KCNN3: variants seen among roughly 807,000 people sequenced by gnomAD.
The protein encoded by KCNN3 is potassium calcium-activated channel subfamily N member 3, also known as small conductance calcium-activated potassium channel protein 3.
In KCNN3, 16 loss-of-function variants were observed where a neutral mutation model predicts 62.9. The observed-to-expected ratio is 0.25, with a 90% CI of 0.17 to 0.39. The LOEUF (loss-of-function observed/expected upper bound fraction) is 0.39, where lower values mean the gene tolerates loss of function less well. Ranked by LOEUF, KCNN3 falls within the 10% of genes least tolerant of loss-of-function variation. KCNN3 has a pLI of 1.00. For synonymous variants in KCNN3, 370 were observed against 389.2 expected, an observed-to-expected ratio of 0.95 and a Z score of 0.58; for missense variants, 599 against 949.4, an observed-to-expected ratio of 0.63 and a Z score of 4.85.
At chr1:154,790,644 A>G (rs6665508) in intron 2 of KCNN3, among the ~76,000 whole-genome samples, 4,925 of 152,292 alleles carry the variant, frequency 0.032, 240 homozygotes, top group African/African-American at 0.11. Context: ...CCACTAGCCC[A>G]GGAAAAGATC....
chr1:154,845,393 A>G (rs1652012560), intron 1 of KCNN3, among the ~76,000 whole-genome samples: 1 of 152,226 alleles, frequency 6.6e-6, no homozygotes, highest in African/African-American at 2.4e-5. Context: ...AGCCCCAGAC[A>G]GCCACCATCA....
At chr1:154,729,385 G>A (rs1167373066) in intron 4 of KCNN3, among the ~76,000 whole-genome samples, 3 of 152,244 alleles carry the variant, frequency 2.0e-5, no homozygotes, top group East Asian at 1.9e-4. Context: ...CCCAAGGCAC[G>A]TGGGCGAGAG....
At chr1:154,744,925 C>CAAAAAA (rs5777930) in intron 3 of KCNN3, among the ~76,000 whole-genome samples, 2 of 132,464 alleles carry the variant, frequency 1.5e-5, no homozygotes, top group Non-Finnish European at 1.7e-5. Context: ...CACATTAAGG[C>CAAAAAA]AAAAAAAAAA....
intron 1 of KCNN3, among the ~76,000 whole-genome samples, chr1:154,826,479 C>A (rs149011007): frequency 6.6e-5 from 10 of 151,632 alleles, no homozygotes; most frequent in African/African-American, 2.4e-4. Context: ...TACCTAACTT[C>A]TCACCATGGC....
At chr1:154,844,311 A>G (rs1439090384) in intron 1 of KCNN3, among the ~76,000 whole-genome samples, 1 of 152,246 alleles carries the variant, frequency 6.6e-6, no homozygotes, top group Non-Finnish European at 1.5e-5. Flanking sequence ...GGTTCTAGAG[A>G]GAGATTTTCT....
Position 154,700,576 on chromosome 1 carries a change from G to C in KCNN3, c.*7400C>G, listed in dbSNP as rs1176136024. ...GGCTCACTTTGGGAGGCCCAGGCAG[G>C]TGGATCACGAGGTCAGGAGATCGAG... On this transcript the variant is annotated 3_prime_UTR_variant, in exon 8 of 8. Transcript: ENST00000271915. 6.6e-6 allele frequency: 1 copy of C among 152,278 alleles called. No homozygotes were observed. 9.4% of individuals were successfully genotyped at this position (152,278 alleles called of 1,614,324 possible). A position where few individuals can be genotyped will look rare whatever the true frequency, so the allele number is the denominator to read the frequency against.
chr1:154,797,038 G>C (rs1206537778), intron 2 of KCNN3, among the ~76,000 whole-genome samples: 1 of 152,190 alleles, frequency 6.6e-6, no homozygotes, highest in African/African-American at 2.4e-5. Context: ...CCTACAAAAA[G>C]CTAGCCCTGC....
chr1:154,790,397 G>A (rs772548260), intron 2 of KCNN3, among the ~76,000 whole-genome samples: 23 of 152,306 alleles, frequency 1.5e-4, no homozygotes, highest in Non-Finnish European at 2.6e-4. Flanking sequence ...CTAACCTACC[G>A]AATGTCACAG....
chr1:154,813,699 C>A (rs1326295442), intron 2 of KCNN3, among the ~76,000 whole-genome samples: 1 of 152,174 alleles, frequency 6.6e-6, no homozygotes, highest in Non-Finnish European at 1.5e-5. Flanking sequence ...GCTTTTCACA[C>A]CTGTTAATGG....
At chr1:154,794,119 C>T (rs2101866147) in intron 2 of KCNN3, among the ~76,000 whole-genome samples, 1 of 152,318 alleles carries the variant, frequency 6.6e-6, no homozygotes, top group Admixed American at 6.5e-5. Flanking sequence ...GTTCCCTCTG[C>T]CTAGAATGTT....
In KCNN3 at chr1:154,708,259, A is replaced by G. The variant is rs757871783; in HGVS notation, c.1913T>C (p.Met638Thr). ...LVDLSKMQNV[M>T]YDLITELNDR... Reference sequence around the variant, plus strand: ...ATTGAGTTCTGTGATTAAGTCATACATGACATTCTGCATCTGTGTGGAGAG... The same window carrying G: ...ATTGAGTTCTGTGATTAAGTCATACGTGACATTCTGCATCTGTGTGGAGAG... Residue 638 changes from methionine (M) to threonine (T), a missense_variant, in exon 8 of 8, where the codon ATG becomes ACG. By Grantham distance (81) the Met-to-Thr change is moderately conservative. Around this residue, in one of 7 missense-constraint regions of KCNN3, gnomAD observed 288 missense variants for 557.4 expected, o/e 0.52. Coordinates refer to ENST00000271915, the MANE Select transcript of KCNN3 (RefSeq NM_002249.6). 1.2e-6 allele frequency: 2 copies of G among 1,613,570 alleles called. No individual in the cohort carries two copies. Among genetic ancestry groups the G allele is most frequent in the Non-Finnish European group, 8.5e-7 (1 of 1,179,894 alleles).
At chr1:154,824,027 T>A (rs1438045518) in intron 1 of KCNN3, among the ~76,000 whole-genome samples, 1 of 152,190 alleles carries the variant, frequency 6.6e-6, no homozygotes, top group Non-Finnish European at 1.5e-5. Context: ...ACTAATAAAG[T>A]AACTAATTCA....
intron 2 of KCNN3, among the ~76,000 whole-genome samples, chr1:154,807,667 A>G (rs1441066052): frequency 1.3e-5 from 2 of 152,196 alleles, no homozygotes; most frequent in African/African-American, 4.8e-5. Flanking sequence ...ACAATAAGGG[A>G]AGAGCAAAAT....
At chr1:154,756,528 C>T (rs548011802) in intron 3 of KCNN3, among the ~76,000 whole-genome samples, 12 of 152,116 alleles carry the variant, frequency 7.9e-5, no homozygotes, top group African/African-American at 2.9e-4. Context: ...CTCCTTCCCC[C>T]CGGCTCCTTG....
intron 3 of KCNN3, among the ~76,000 whole-genome samples, chr1:154,756,466 C>T (rs750974755): frequency 1.2e-4 from 18 of 152,222 alleles, no homozygotes; most frequent in South Asian, 1.0e-3. Flanking sequence ...CCCCCTTCTG[C>T]GGCTCAGTCC....
chr1:154,845,341 A>C (rs1177494492), intron 1 of KCNN3, among the ~76,000 whole-genome samples: 2 of 152,212 alleles, frequency 1.3e-5, no homozygotes, highest in Non-Finnish European at 2.9e-5. Flanking sequence ...GTTTCTGGGA[A>C]GTGCCTGTGG....
At chr1:154,774,929 G>A (rs940968802) in intron 2 of KCNN3, among the ~76,000 whole-genome samples, 4 of 152,242 alleles carry the variant, frequency 2.6e-5, no homozygotes, top group African/African-American at 9.6e-5. Context: ...AATTAATGTT[G>A]GGGCCAGGGT....
chr1:154,734,842 CT>C (rs1479533982), intron 3 of KCNN3, among the ~76,000 whole-genome samples: 2 of 152,236 alleles, frequency 1.3e-5, no homozygotes, highest in African/African-American at 4.8e-5. Context: ...CACTGGGTGA[CT>C]TGCCTAAGGA....
chr1:154,727,209 C>CT (rs1700489798), intron 4 of KCNN3, among the ~76,000 whole-genome samples: 1 of 152,202 alleles, frequency 6.6e-6, no homozygotes. Context: ...AGATGATGAA[C>CT]TTATTAAAGC....
Sources: gnomAD v4.1 joint callset for allele counts (sites outside exome capture counted in the v4.1 genomes callset) on GRCh38, gnomAD v4.1.1 for gene constraint, gnomAD v4.1.1 regional missense constraint, MANE v1.5 for transcripts, NCBI Gene and HGNC (gene_info 2026-07-23, HGNC 2026-07-21) for gene names.